Variants in ZNF385B observed in about 807,000 individuals in gnomAD.
ZNF385B encodes zinc finger protein 385B.
In ZNF385B, 23 loss-of-function variants were observed where a neutral mutation model predicts 39.2. That is an observed-to-expected ratio of 0.59 (90% CI 0.42 to 0.83). The LOEUF (loss-of-function observed/expected upper bound fraction) is 0.83, where lower values mean the gene tolerates loss of function less well. Among genes scored for constraint, ZNF385B ranks in the 40% least tolerant of loss-of-function variants. ZNF385B has a pLI of 0.00. For synonymous variants in ZNF385B, 205 were observed against 222.6 expected, an observed-to-expected ratio of 0.92 and a Z score of 0.70; for missense variants, 552 against 598.9, an observed-to-expected ratio of 0.92 and a Z score of 0.82.
rs777679885 is a variant in ZNF385B, at chr2:179,466,915, C to CAAAAAAAAAAA, written c.715+16346_715+16356dup. Among the ~76,000 whole-genome samples the CAAAAAAAAAAA allele has an allele frequency of 3.7e-4, 10 of 26,938 alleles. 2 individuals are homozygous for CAAAAAAAAAAA. The highest frequency in any genetic ancestry group is 6.1e-3 in the South Asian group (2 of 326). The allele number at this position is 26,938 out of a possible 152,430, so 17.7% of individuals were successfully genotyped here. On this transcript the variant is annotated intron_variant, in intron 6 of 9. Coordinates refer to ENST00000410066, the MANE Select transcript of ZNF385B (RefSeq NM_152520.6). ...CAGCCTGGCAACAGAGCAAGACTGT[C>CAAAAAAAAAAA]AAAAAAAAAAAAAAAAAAAAAAAAA...
intron 1 of ZNF385B, among the ~76,000 whole-genome samples, chr2:179,834,356 G>A (rs906258048): frequency 2.6e-5 from 4 of 152,070 alleles, no homozygotes; most frequent in African/African-American, 9.7e-5. Flanking sequence ...TTCTAAGCTA[G>A]ACCAAAAAAA....
intron 3 of ZNF385B, among the ~76,000 whole-genome samples, chr2:179,729,538 G>A (rs536082432): frequency 6.6e-6 from 1 of 152,242 alleles, no homozygotes; most frequent in East Asian, 1.9e-4. Flanking sequence ...TTCTTGCCTG[G>A]TCTTGTTCTT....
intron 3 of ZNF385B, among the ~76,000 whole-genome samples, chr2:179,711,225 A>G (rs921072395): frequency 1.3e-5 from 2 of 152,242 alleles, no homozygotes; most frequent in African/African-American, 4.8e-5. Flanking sequence ...TGCAGGCCCT[A>G]GGTATACATA....
intron 3 of ZNF385B, among the ~76,000 whole-genome samples, chr2:179,742,980 A>G (rs1378628236): frequency 6.6e-6 from 1 of 152,046 alleles, no homozygotes; most frequent in East Asian, 1.9e-4. Context: ...TGCTACTAAG[A>G]CTTCAGGCAG....
chr2:179,533,194 A>C (rs1234163587), intron 4 of ZNF385B, among the ~76,000 whole-genome samples: 1 of 152,146 alleles, frequency 6.6e-6, no homozygotes, highest in Non-Finnish European at 1.5e-5. Flanking sequence ...CTCTGAAAAC[A>C]ATGGAAGGTC....
intron 3 of ZNF385B, among the ~76,000 whole-genome samples, chr2:179,642,927 G>A (rs755883119): frequency 1.3e-5 from 2 of 152,034 alleles, no homozygotes; most frequent in Non-Finnish European, 2.9e-5. Flanking sequence ...TGTATCATGC[G>A]GAAGTATCAT....
intron 3 of ZNF385B, among the ~76,000 whole-genome samples, chr2:179,678,146 G>A (rs1231108047): frequency 6.6e-6 from 1 of 152,118 alleles, no homozygotes; most frequent in Non-Finnish European, 1.5e-5. Flanking sequence ...TCATGACCAA[G>A]TTATTTTCTT....
chr2:179,830,956 G>C (rs1276182759), intron 1 of ZNF385B, among the ~76,000 whole-genome samples: 3 of 152,192 alleles, frequency 2.0e-5, no homozygotes, highest in African/African-American at 7.2e-5. Context: ...GAGGGGAAAA[G>C]AGGGAGTACA....
chr2:179,656,913 C>T (rs1310718839), intron 3 of ZNF385B, among the ~76,000 whole-genome samples: 2 of 152,102 alleles, frequency 1.3e-5, no homozygotes, highest in Admixed American at 6.5e-5. Flanking sequence ...ACTCTTATTG[C>T]TTACAATTGT....
Position 179,576,153 on chromosome 2 carries a change from T to C in ZNF385B, c.299-31184A>G, listed in dbSNP as rs566036624. 5.1e-6 allele frequency: 5 copies of C among 985,426 alleles called. No homozygotes were observed. The African/African-American group carries it at 7.0e-5, about 14-fold the overall frequency. The allele number at this position is 985,426 out of a possible 1,614,324, so 61.0% of individuals were successfully genotyped here. A position where few individuals can be genotyped will look rare whatever the true frequency, so the allele number is the denominator to read the frequency against. On this transcript the variant is annotated intron_variant, in intron 3 of 9. Transcript: ENST00000410066. ...CCAAAACGTCTCAAATCCATCCCTG[T>C]GACTGACTTCTGTCCTAGTTCAGAC...
chr2:179,591,623 A>C (rs1397208413), intron 3 of ZNF385B, among the ~76,000 whole-genome samples: 1 of 152,222 alleles, frequency 6.6e-6, no homozygotes, highest in African/African-American at 2.4e-5. Context: ...TGGTGACCTC[A>C]GTACTTGGTG....
intron 3 of ZNF385B, among the ~76,000 whole-genome samples, chr2:179,562,127 G>A (rs1219183663): frequency 1.3e-5 from 2 of 152,108 alleles, no homozygotes; most frequent in African/African-American, 2.4e-5. Flanking sequence ...AAAGGGGAAC[G>A]GTAGCTTATA....
intron 3 of ZNF385B, among the ~76,000 whole-genome samples, chr2:179,664,029 T>G (rs2106285083): frequency 6.6e-6 from 1 of 151,568 alleles, no homozygotes; most frequent in East Asian, 1.9e-4. Context: ...TTCATATTTT[T>G]TGGAATTATA....
intron 4 of ZNF385B, among the ~76,000 whole-genome samples, chr2:179,542,045 T>A (rs936166446): frequency 1.3e-5 from 2 of 152,202 alleles, no homozygotes; most frequent in Non-Finnish European, 2.9e-5. Context: ...ATGTAAAACA[T>A]CACAAATATA....
chr2:179,777,882 C>T (rs999364172), intron 1 of ZNF385B, among the ~76,000 whole-genome samples: 7 of 151,506 alleles, frequency 4.6e-5, no homozygotes, highest in Admixed American at 2.0e-4. Context: ...AAGCAATTCT[C>T]CCGCCTCAGC....
intron 3 of ZNF385B, among the ~76,000 whole-genome samples, chr2:179,633,453 A>C (rs1691434164): frequency 6.6e-6 from 1 of 152,140 alleles, no homozygotes; most frequent in Admixed American, 6.5e-5. Context: ...TGACAAAAAC[A>C]CCTGATTATC....
At chr2:179,809,514 A>C (rs889924204) in intron 1 of ZNF385B, among the ~76,000 whole-genome samples, 2 of 152,146 alleles carry the variant, frequency 1.3e-5, no homozygotes, top group Non-Finnish European at 2.9e-5. Context: ...ATCAAAATAC[A>C]AGTCACAGAG....
intron 5 of ZNF385B, among the ~76,000 whole-genome samples, chr2:179,502,851 A>T (rs957250964): frequency 6.0e-4 from 92 of 152,238 alleles, no homozygotes; most frequent in African/African-American, 2.0e-3. Flanking sequence ...TATCTACTCA[A>T]GCTGATTCTT....
chr2:179,824,626 C>T (rs1707577999), intron 1 of ZNF385B, among the ~76,000 whole-genome samples: 1 of 151,870 alleles, frequency 6.6e-6, no homozygotes. Context: ...ATTTTAAATA[C>T]TCATTGTGAA....
Sources: allele counts gnomAD v4.1 joint callset (sites outside exome capture counted in the v4.1 genomes callset), GRCh38; gene constraint gnomAD v4.1.1; transcripts MANE v1.5; gene names NCBI Gene and HGNC (gene_info 2026-07-23, HGNC 2026-07-21).